Variants in PLAAT5 observed in about 807,000 individuals in gnomAD.
PLAAT5 encodes Ca(2+)-independent N-acyltransferase.
A neutral mutation model predicts 27.8 loss-of-function variants in PLAAT5; 27 were observed. The observed-to-expected ratio is 0.97, with a 90% CI of 0.72 to 1.34. PLAAT5 has a LOEUF of 1.34. Among genes scored for constraint, PLAAT5 ranks in the 40% most tolerant of loss-of-function variants. The probability of loss-of-function intolerance (pLI) is 0.00; values close to 1 mark genes in which losing one functional copy is unlikely to be tolerated. For synonymous variants in PLAAT5, 125 were observed against 136.1 expected (o/e 0.92, Z 0.57); for missense variants, 368 against 343.8 (o/e 1.07, Z -0.56).
chr11:63,476,192 G>A (rs185827496), intron 3 of PLAAT5, among the ~76,000 whole-genome samples: 3 of 152,028 alleles, frequency 2.0e-5, no homozygotes, highest in Non-Finnish European at 4.4e-5. Flanking sequence ...ATATTTGCAT[G>A]TTATAAGACC....
Position 63,490,913 on chromosome 11 carries a change from A to G in PLAAT5, c.122T>C (p.Leu41Pro), listed in dbSNP as rs770417231. 1 of 1,602,454 alleles carries G rather than the reference A, an allele frequency of 6.2e-7. No individual in the cohort carries two copies. Among genetic ancestry groups the G allele is most frequent in the South Asian group, 1.1e-5 (1 of 89,896 alleles). Residue 41 changes from leucine (L) to proline (P), a missense_variant, in exon 1 of 6, where the codon CTC (leucine) becomes CCC (proline). Leu to Pro is a moderately conservative substitution (Grantham distance 98). Transcript: ENST00000540857. ...STGPKDQPPALRRSAVPHSEE... is the reference protein window; with the variant it reads ...STGPKDQPPAPRRSAVPHSEE... ...TGAGTGGGGCACAGCTGAACGTCTG[A>G]GCGCAGGCGGCTGGTCCTTGGGCCC... is the stretch of plus-strand genomic sequence containing the variant.
chr11:63,484,805 A>C (rs539342316), intron 3 of PLAAT5, among the ~76,000 whole-genome samples: 20 of 152,320 alleles, frequency 1.3e-4, no homozygotes, highest in African/African-American at 4.3e-4. Flanking sequence ...GCAATCAGAC[A>C]AGAGAAAGAA....
At chr11:63,474,768 A>G (rs897360736) in intron 3 of PLAAT5, among the ~76,000 whole-genome samples, 2 of 151,248 alleles carry the variant, frequency 1.3e-5, no homozygotes, top group Admixed American at 6.6e-5. Context: ...TTGATTTGAG[A>G]TATTTTTTCC....
chr11:63,486,074 T>C (rs1291692645), intron 3 of PLAAT5, among the ~76,000 whole-genome samples: 1 of 152,080 alleles, frequency 6.6e-6, no homozygotes, highest in African/African-American at 2.4e-5. Flanking sequence ...AAAACCACGA[T>C]GCAATAATAC....
rs530620261 is a variant in PLAAT5, at chr11:63,472,566, G to A, written c.346-4101C>T. ...TGGTGAAGACTGCCACCTTAAGATT[G>A]CAGATATTTCGCAATCCACAAACAT... On this transcript the variant is annotated intron_variant, in intron 3 of 5. Coordinates refer to ENST00000540857, the MANE Select transcript of PLAAT5 (RefSeq NM_001146729.2). 3.9e-5 allele frequency among the ~76,000 whole-genome samples: 6 copies of A among 152,274 alleles called. No individual in the cohort carries two copies. In the South Asian group the frequency reaches 6.2e-4, roughly 16 times the overall value.
At chr11:63,486,395 C>A (rs1302698801) in intron 3 of PLAAT5, among the ~76,000 whole-genome samples, 1 of 151,986 alleles carries the variant, frequency 6.6e-6, no homozygotes, top group Non-Finnish European at 1.5e-5. Context: ...TGACCATCAA[C>A]CAATGAGTGG....
chr11:63,488,846 C>T (rs774707597), intron 3 of PLAAT5, 25 bp downstream of exon 3: 3 of 1,522,000 alleles, frequency 2.0e-6, no homozygotes, highest in Admixed American at 1.7e-5. Flanking sequence ...AAGATAGTCA[C>T]TTTGAGAATT....
chr11:63,487,319 G>A (rs931260903), intron 3 of PLAAT5, among the ~76,000 whole-genome samples: 2 of 152,098 alleles, frequency 1.3e-5, no homozygotes, highest in African/African-American at 4.8e-5. Context: ...GCAAATATAC[G>A]CATGAAAAGA....
intron 3 of PLAAT5, among the ~76,000 whole-genome samples, chr11:63,480,209 T>C (rs187221164): frequency 1.0e-3 from 153 of 152,298 alleles, no homozygotes; most frequent in African/African-American, 3.6e-3. Flanking sequence ...TCATTCCCTA[T>C]GACAACAAAC....
chr11:63,466,452 G>A (rs2015870368), intron 4 of PLAAT5, 80 bp from the exon 5 acceptor site: 2 of 1,419,972 alleles, frequency 1.4e-6, no homozygotes, highest in Non-Finnish European at 9.6e-7. Flanking sequence ...TGAGTAAGCT[G>A]CTTCCCCTGG....
intron 1 of PLAAT5, chr11:63,490,565 G>C: frequency 1.5e-6 from 1 of 678,822 alleles, no homozygotes; most frequent in East Asian, 2.7e-5. Flanking sequence ...GAATCGGGGA[G>C]AGGATGAAGA....
chr11:63,473,174 GC>G (rs1173771390), intron 3 of PLAAT5, among the ~76,000 whole-genome samples: 1 of 151,970 alleles, frequency 6.6e-6, no homozygotes, highest in Non-Finnish European at 1.5e-5. Flanking sequence ...ATTTTACTGT[GC>G]TTTGCTTTAT....
chr11:63,475,582 T>C (rs976777867), intron 3 of PLAAT5, among the ~76,000 whole-genome samples: 2 of 152,096 alleles, frequency 1.3e-5, no homozygotes, highest in African/African-American at 4.8e-5. Flanking sequence ...TGCCTTTTTT[T>C]GGTGTGTTTA....
chr11:63,472,601 T>C (rs185639116), intron 3 of PLAAT5, among the ~76,000 whole-genome samples: 9 of 152,342 alleles, frequency 5.9e-5, no homozygotes, highest in African/African-American at 1.9e-4. Flanking sequence ...TGGAATTTTT[T>C]GTGTGTACTT....
rs71039646 is a variant in PLAAT5 at position 63,483,801 on chromosome 11, GTATATATATATA to G, written c.345+5058_345+5069del. On this transcript the variant is annotated intron_variant, in intron 3 of 5. Coordinates refer to ENST00000540857, the MANE Select transcript of PLAAT5 (RefSeq NM_001146729.2). The stretch of plus-strand genomic sequence containing the variant: ...AAAAAAAAAATATATATATATATAT[GTATATATATATA>G]TATATATATATATATATATATATAT... 2.3e-3 allele frequency among the ~76,000 whole-genome samples: 55 copies of G among 24,152 alleles called. 1 individual carries two copies. Among genetic ancestry groups the G allele is most frequent in the East Asian group, 0.017 (12 of 716 alleles). The allele number at this position is 24,152 out of a possible 152,430, so 15.8% of individuals were successfully genotyped here. A position where few individuals can be genotyped will look rare whatever the true frequency, so the allele number is the denominator to read the frequency against.
chr11:63,472,217 G>A (rs2016044287), intron 3 of PLAAT5, among the ~76,000 whole-genome samples: 1 of 151,994 alleles, frequency 6.6e-6, no homozygotes, highest in South Asian at 2.1e-4. Context: ...AAAAAAAAAG[G>A]AAAGAAAAAA....
At chr11:63,465,344 A>G (rs1565206843) in intron 5 of PLAAT5, among the ~76,000 whole-genome samples, 2 of 150,740 alleles carry the variant, frequency 1.3e-5, no homozygotes, top group Non-Finnish European at 2.9e-5. Context: ...CTATATTTTT[A>G]AATATTGGCA....
At chr11:63,464,225 G>C (rs1190792029) in intron 5 of PLAAT5, among the ~76,000 whole-genome samples, 1 of 152,186 alleles carries the variant, frequency 6.6e-6, no homozygotes, top group Non-Finnish European at 1.5e-5. Flanking sequence ...GCTGCCAATG[G>C]TCACTGAGGA....
chr11:63,471,824 T>A (rs1253029153), intron 3 of PLAAT5, among the ~76,000 whole-genome samples: 1 of 152,226 alleles, frequency 6.6e-6, no homozygotes, highest in Non-Finnish European at 1.5e-5. Context: ...AAAACATTAA[T>A]AGGCTGGATA....
Sources: allele counts gnomAD v4.1 joint callset (sites outside exome capture counted in the v4.1 genomes callset), GRCh38; gene constraint gnomAD v4.1.1; transcripts MANE v1.5; gene names NCBI Gene and HGNC (gene_info 2026-07-23, HGNC 2026-07-21).